Variants in CAMK2D observed in about 807,000 individuals in gnomAD.
CAMK2D encodes the protein calcium/calmodulin-dependent protein kinase type II subunit delta.
A neutral mutation model predicts 84.0 loss-of-function variants in CAMK2D; 37 were observed. The observed-to-expected ratio is 0.44, with a 90% CI of 0.34 to 0.58. The LOEUF is 0.58. CAMK2D is among the 20% of genes least tolerant of loss of function. CAMK2D has a pLI of 0.02. For synonymous variants in CAMK2D, 202 were observed against 212.5 expected (o/e 0.95, Z 0.43); for missense variants, 448 against 652.5 (o/e 0.69, Z 3.41).
At chr4:113,744,259 T>C (rs925624382) in intron 2 of CAMK2D, among the ~76,000 whole-genome samples, 3 of 152,342 alleles carry the variant, frequency 2.0e-5, no homozygotes, top group Admixed American at 1.3e-4. Flanking sequence ...TTTTATGCAA[T>C]GTGCTAGGTT....
At chr4:113,654,576 A>AAAACAACCTCAAAAC (rs1162494280) in intron 3 of CAMK2D, among the ~76,000 whole-genome samples, 1 of 152,022 alleles carries the variant, frequency 6.6e-6, no homozygotes, top group African/African-American at 2.4e-5. Context: ...ATTTGAACCA[A>AAAACAACCTCAAAAC]AAACAACCTC....
At chr4:113,760,831 T>C (rs2099639699) in intron 1 of CAMK2D, among the ~76,000 whole-genome samples, 173 bp downstream of exon 1, 1 of 152,104 alleles carries the variant, frequency 6.6e-6, no homozygotes, top group Non-Finnish European at 1.5e-5. Flanking sequence ...ACCCCTTCTG[T>C]GCTCCCTCCC....
intron 4 of CAMK2D, among the ~76,000 whole-genome samples, chr4:113,568,472 T>A (rs2098736431): frequency 1.3e-5 from 2 of 152,242 alleles, no homozygotes; most frequent in Non-Finnish European, 2.9e-5. Flanking sequence ...TTTATGCATT[T>A]ATCTGTTGAT....
chr4:113,675,402 C>T (rs1561765063), intron 2 of CAMK2D, among the ~76,000 whole-genome samples: 1 of 152,096 alleles, frequency 6.6e-6, no homozygotes, highest in Non-Finnish European at 1.5e-5. Context: ...ATTATTGGTA[C>T]AGAGAGATTG....
intron 3 of CAMK2D, among the ~76,000 whole-genome samples, chr4:113,623,363 GATCT>G (rs1186519737): frequency 1.3e-5 from 2 of 150,928 alleles, no homozygotes; most frequent in East Asian, 1.9e-4. Context: ...GATGATCAAT[GATCT>G]ATCATGATGT....
At chr4:113,756,371 T>C (rs1036374445) in intron 2 of CAMK2D, among the ~76,000 whole-genome samples, 10 of 151,900 alleles carry the variant, frequency 6.6e-5, no homozygotes, top group Non-Finnish European at 8.8e-5. Flanking sequence ...TTAAAACAAA[T>C]AGACTAAAGG....
At chr4:113,705,009 T>C (rs1554067529) in intron 2 of CAMK2D, among the ~76,000 whole-genome samples, 1 of 151,814 alleles carries the variant, frequency 6.6e-6, no homozygotes, top group Non-Finnish European at 1.5e-5. Context: ...TAATCAGATA[T>C]CAGGGTGGTT....
intron 3 of CAMK2D, among the ~76,000 whole-genome samples, chr4:113,616,099 A>G (rs999098950): frequency 6.6e-6 from 1 of 152,068 alleles, no homozygotes; most frequent in African/African-American, 2.4e-5. Flanking sequence ...CTGTAATGAC[A>G]AAAAATCTAC....
intron 3 of CAMK2D, among the ~76,000 whole-genome samples, chr4:113,641,668 G>A (rs1055480803): frequency 2.6e-5 from 4 of 152,148 alleles, no homozygotes; most frequent in African/African-American, 4.8e-5. Context: ...TTTATAAATT[G>A]TGGCTTTGAA....
At chr4:113,631,226 T>C (rs1430076912) in intron 3 of CAMK2D, among the ~76,000 whole-genome samples, 2 of 152,098 alleles carry the variant, frequency 1.3e-5, no homozygotes, top group Non-Finnish European at 2.9e-5. Context: ...TCAGCTGAGA[T>C]TGTAGACTGA....
intron 2 of CAMK2D, among the ~76,000 whole-genome samples, chr4:113,681,578 T>G (rs896228558): frequency 6.6e-6 from 1 of 152,188 alleles, no homozygotes; most frequent in Non-Finnish European, 1.5e-5. Context: ...TTCTTCATTT[T>G]CAGTGCAAAG....
chr4:113,632,650 C>T (rs905442305), intron 3 of CAMK2D, among the ~76,000 whole-genome samples: 5 of 151,882 alleles, frequency 3.3e-5, no homozygotes, highest in Non-Finnish European at 7.4e-5. Flanking sequence ...TCAAAGGAGG[C>T]AGAGAGAGCT....
At chr4:113,648,469 T>C (rs2099160142) in intron 3 of CAMK2D, among the ~76,000 whole-genome samples, 1 of 152,210 alleles carries the variant, frequency 6.6e-6, no homozygotes, top group Non-Finnish European at 1.5e-5. Flanking sequence ...TCTCTACAGC[T>C]CTATGTGGTA....
chr4:113,695,139 C>T (rs1470720658), intron 2 of CAMK2D, among the ~76,000 whole-genome samples: 1 of 152,088 alleles, frequency 6.6e-6, no homozygotes, highest in East Asian at 1.9e-4. Context: ...CAATGTTCCT[C>T]CACATCTCCC....
intron 19 of CAMK2D, chr4:113,456,575 C>T (rs935527344): frequency 3.9e-5 from 6 of 152,040 alleles, no homozygotes; most frequent in African/African-American, 1.4e-4. Context: ...AAGATTTTGT[C>T]CAAAATTCTA....
intron 16 of CAMK2D, among the ~76,000 whole-genome samples, chr4:113,481,455 C>T (rs1162886726): frequency 6.6e-6 from 1 of 151,884 alleles, no homozygotes; most frequent in Non-Finnish European, 1.5e-5. Context: ...ATGGGGAGTG[C>T]TGGATTTGGA....
At chr4:113,572,474 C>T (rs552399328) in intron 4 of CAMK2D, among the ~76,000 whole-genome samples, 4 of 150,810 alleles carry the variant, frequency 2.7e-5, no homozygotes, top group African/African-American at 9.7e-5. Flanking sequence ...ACACAAAGGA[C>T]ATGAACAGAC....
chr4:113,509,256 T>G (rs1165257412), intron 13 of CAMK2D, among the ~76,000 whole-genome samples: 1 of 152,212 alleles, frequency 6.6e-6, no homozygotes, highest in African/African-American at 2.4e-5. Flanking sequence ...AGGCTATATA[T>G]TTCAGTGGCC....
At chr4:113,576,194 C>A (rs577559039) in intron 4 of CAMK2D, among the ~76,000 whole-genome samples, 1 of 152,160 alleles carries the variant, frequency 6.6e-6, no homozygotes, top group African/African-American at 2.4e-5. Flanking sequence ...AGCTGCCACG[C>A]CTGGCCCCTG....
Sources: gnomAD v4.1 joint callset for allele counts (sites outside exome capture counted in the v4.1 genomes callset) on GRCh38, gnomAD v4.1.1 for gene constraint, MANE v1.5 for transcripts, NCBI Gene and HGNC (gene_info 2026-07-23, HGNC 2026-07-21) for gene names.